The following UNC5C variants were observed in gnomAD, a reference collection of about 807,000 sequenced individuals.
UNC5C encodes netrin receptor UNC5C.
In UNC5C, 47 loss-of-function variants were observed where a neutral mutation model predicts 99.8. That is an observed-to-expected ratio of 0.47 (90% CI 0.37 to 0.60). The LOEUF is 0.60. Among genes scored for constraint, UNC5C ranks in the 20% least tolerant of loss-of-function variants. UNC5C has a pLI of 0.00. For synonymous variants in UNC5C, 487 were observed against 452.2 expected, an observed-to-expected ratio of 1.08 and a Z score of -0.98; for missense variants, 1,062 against 1,165.9, an observed-to-expected ratio of 0.91 and a Z score of 1.30.
intron 1 of UNC5C, among the ~76,000 whole-genome samples, chr4:95,529,618 T>C (rs867550574): frequency 1.6e-4 from 24 of 151,846 alleles, no homozygotes; most frequent in South Asian, 4.2e-4. Context: ...TCCCAGCTAC[T>C]CAGGAGGCTC....
chr4:95,242,520 C>T lies in UNC5C; in HGVS notation c.1017G>A (p.Glu339=). The stretch of plus-strand genomic sequence containing the variant: ...CATTCTTGGGGGCTGGCGCCGTGCA[C>T]TCCCTCCTGCGCCAGTGGGTGCACT... The part of the protein sequence containing the change: ...GTECTHWRRR[E]CTAPAPKNGG... Residue 339 remains glutamate, a synonymous_variant, in exon 7 of 16, where the codon GAG becomes GAA. Transcript: ENST00000453304. 6.2e-7 allele frequency: 1 copy of T among 1,613,178 alleles called. No homozygotes were observed. Among genetic ancestry groups the T allele is most frequent in the South Asian group, 1.1e-5 (1 of 90,772 alleles).
At chr4:95,453,661 G>A (rs1057408245) in intron 1 of UNC5C, among the ~76,000 whole-genome samples, 1 of 151,974 alleles carries the variant, frequency 6.6e-6, no homozygotes, top group African/African-American at 2.4e-5. Flanking sequence ...AAGGCATTGT[G>A]CTAAGCATTA....
chr4:95,462,267 G>A (rs1747627062), intron 1 of UNC5C, among the ~76,000 whole-genome samples: 1 of 151,944 alleles, frequency 6.6e-6, no homozygotes, highest in Non-Finnish European at 1.5e-5. Flanking sequence ...AGTTATAAAT[G>A]TAGACAACAA....
intron 7 of UNC5C, among the ~76,000 whole-genome samples, chr4:95,240,332 C>G (rs1739283965): frequency 6.6e-6 from 1 of 152,094 alleles, no homozygotes; most frequent in South Asian, 2.1e-4. Context: ...CCCAGATACA[C>G]TAAACTAACT....
In UNC5C at chr4:95,168,543, G is replaced by C. The variant is rs759871608; in HGVS notation, c.*691C>G. On this transcript the variant is annotated 3_prime_UTR_variant, in exon 16 of 16. Coordinates refer to ENST00000453304, the MANE Select transcript of UNC5C (RefSeq NM_003728.4). The stretch of plus-strand genomic sequence containing the variant: ...CATGAATCACTGTCTTCCCTGCAGT[G>C]CTACAGCTTTATTCCCAAAGGGCAC... The C allele has an allele frequency of 1.3e-5, 2 of 152,618 alleles. No homozygotes were observed. The highest frequency in any genetic ancestry group is 2.9e-5 in the Non-Finnish European group (2 of 68,040). 9.5% of individuals were successfully genotyped at this position (152,618 alleles called of 1,614,324 possible).
intron 11 of UNC5C, among the ~76,000 whole-genome samples, chr4:95,204,133 G>A (rs1310386135): frequency 6.6e-6 from 1 of 152,222 alleles, no homozygotes; most frequent in East Asian, 1.9e-4. Flanking sequence ...GAAATTTTCA[G>A]TCTAAAGAGA....
chr4:95,395,678 T>C (rs1745490346), intron 1 of UNC5C, among the ~76,000 whole-genome samples: 1 of 152,180 alleles, frequency 6.6e-6, no homozygotes. Flanking sequence ...TAGCAGTTTC[T>C]CCCATACAAC....
At chr4:95,524,380 G>A (rs1214380569) in intron 1 of UNC5C, among the ~76,000 whole-genome samples, 1 of 152,124 alleles carries the variant, frequency 6.6e-6, no homozygotes, top group Non-Finnish European at 1.5e-5. Flanking sequence ...ATGCAACAGG[G>A]GCGATTATTA....
intron 1 of UNC5C, among the ~76,000 whole-genome samples, chr4:95,358,403 A>C (rs1192799277): frequency 1.3e-5 from 2 of 152,218 alleles, no homozygotes; most frequent in African/African-American, 4.8e-5. Context: ...AGCAAATGAC[A>C]TTCTTCCAAA....
chr4:95,286,053 A>G (rs1741225262), intron 3 of UNC5C, among the ~76,000 whole-genome samples: 1 of 152,204 alleles, frequency 6.6e-6, no homozygotes, highest in African/African-American at 2.4e-5. Flanking sequence ...AGGGTTATAT[A>G]GGAAAGGTCA....
intron 1 of UNC5C, among the ~76,000 whole-genome samples, chr4:95,470,383 A>G (rs1359057443): frequency 2.0e-5 from 3 of 152,134 alleles, no homozygotes; most frequent in African/African-American, 4.8e-5. Context: ...TAAATGAACA[A>G]ATTAACATGG....
In UNC5C at chr4:95,432,730, T is replaced by C. The variant is rs535408321; in HGVS notation, c.125-97099A>G. The stretch of plus-strand genomic sequence containing the variant: ...CTGTCTTCTGACCTCAAAGGGTCAA[T>C]AAGAACAAACATCAATAAAAGGGAA... On this transcript the variant is annotated intron_variant, in intron 1 of 15. Transcript: ENST00000453304. 2.7e-4 allele frequency among the ~76,000 whole-genome samples: 41 copies of C among 152,156 alleles called. No individual in the cohort carries two copies. The South Asian group carries it at 8.3e-3, about 31-fold the overall frequency.
At chr4:95,473,790 C>T (rs930932995) in intron 1 of UNC5C, among the ~76,000 whole-genome samples, 6 of 152,048 alleles carry the variant, frequency 3.9e-5, no homozygotes, top group African/African-American at 1.4e-4. Context: ...CTAAAAACTT[C>T]TACAGAGGGG....
chr4:95,498,895 T>C (rs192777938), intron 1 of UNC5C, among the ~76,000 whole-genome samples: 7 of 152,220 alleles, frequency 4.6e-5, no homozygotes, highest in Admixed American at 3.9e-4. Context: ...CTGCAACAAA[T>C]CTACTGTCTT....
At chr4:95,462,762 A>G (rs1471818206) in intron 1 of UNC5C, among the ~76,000 whole-genome samples, 7 of 152,204 alleles carry the variant, frequency 4.6e-5, no homozygotes, top group African/African-American at 1.7e-4. Flanking sequence ...TCAAATAACT[A>G]ACAAATGGCC....
intron 4 of UNC5C, among the ~76,000 whole-genome samples, chr4:95,260,771 C>T (rs1427804863): frequency 6.6e-6 from 1 of 152,100 alleles, no homozygotes; most frequent in Non-Finnish European, 1.5e-5. Context: ...AGAACATTTT[C>T]CTTGTGCTGA....
At position 95,354,968 on chromosome 4, in the gene UNC5C, G is replaced by C. The variant is rs911278022; in HGVS notation, c.125-19337C>G. 2.0e-5 allele frequency among the ~76,000 whole-genome samples: 3 copies of C among 152,010 alleles called. No homozygotes were observed. In the East Asian group the frequency reaches 5.8e-4, roughly 29 times the overall value. On this transcript the variant is annotated intron_variant, in intron 1 of 15. Transcript: ENST00000453304. ...GGCTGTTATGCATCTTTGCATACTT[G>C]GTGCTTATTATGCTCAGGGAGTTGA...
chr4:95,488,649 A>G (rs758013180), intron 1 of UNC5C, among the ~76,000 whole-genome samples: 1 of 151,806 alleles, frequency 6.6e-6, no homozygotes, highest in Non-Finnish European at 1.5e-5. Context: ...AACTCGTAAT[A>G]CAGATTAATG....
At chr4:95,344,432 C>T (rs540860254) in intron 1 of UNC5C, among the ~76,000 whole-genome samples, 22 of 152,110 alleles carry the variant, frequency 1.4e-4, no homozygotes, top group African/African-American at 5.3e-4. Flanking sequence ...ACCTGCCCTA[C>T]ATGAGATGCA....
Sources: gnomAD v4.1 joint callset for allele counts (sites outside exome capture counted in the v4.1 genomes callset) on GRCh38, gnomAD v4.1.1 for gene constraint, MANE v1.5 for transcripts, NCBI Gene and HGNC (gene_info 2026-07-23, HGNC 2026-07-21) for gene names.